Variants in DMD observed in about 807,000 individuals in gnomAD.
DMD encodes the protein dystrophin, also known as mutant dystrophin.
A neutral mutation model predicts 330.1 loss-of-function variants in DMD; 63 were observed. That is an observed-to-expected ratio of 0.19 (90% confidence interval 0.16 to 0.24). DMD has a LOEUF of 0.24. Among genes scored for constraint, DMD ranks in the 10% least tolerant of loss-of-function variants. DMD has a pLI of 1.00. For missense variants in DMD, 3,344 were observed against 2,684.1 expected, an observed-to-expected ratio of 1.25 and a Z score of -5.43; for synonymous variants, 1,223 against 959.8, an observed-to-expected ratio of 1.27 and a Z score of -5.07.
At chrX:31,405,083 C>CTT (rs2061352111) in intron 60 of DMD, among the ~76,000 whole-genome samples, 1 of 111,526 alleles carries the variant, frequency 9.0e-6, no homozygotes, top group East Asian at 2.8e-4. Context: ...CTTAGAAATC[C>CTT]GGAGAGTTCT....
At chrX:31,733,084 T>C (rs1220694752) in intron 51 of DMD, among the ~76,000 whole-genome samples, 1 of 111,037 alleles carries the variant, frequency 9.0e-6, no homozygotes, top group Non-Finnish European at 1.9e-5. Flanking sequence ...TGCTTACCCC[T>C]TGGAGATGAG....
intron 17 of DMD, among the ~76,000 whole-genome samples, chrX:32,538,635 C>A (rs1469382018): frequency 9.0e-6 from 1 of 111,275 alleles, no homozygotes; most frequent in East Asian, 2.8e-4. Context: ...AATCAGGGGT[C>A]AGACTGTAAA....
At chrX:33,260,728 T>C (rs896006753) in intron 1 of DMD, among the ~76,000 whole-genome samples, 4 of 111,726 alleles carry the variant, frequency 3.6e-5, no homozygotes, top group Non-Finnish European at 7.6e-5. Flanking sequence ...TCTTATTCAT[T>C]CTGTTTTCTT....
chrX:32,171,747 A>G (rs749178661), intron 44 of DMD, among the ~76,000 whole-genome samples: 71 of 111,877 alleles, frequency 6.3e-4, no homozygotes, highest in African/African-American at 2.1e-3. Context: ...TGAAATGTAC[A>G]TAGACCTTTA....
intron 2 of DMD, among the ~76,000 whole-genome samples, chrX:33,002,962 G>C (rs2093320692): frequency 9.3e-6 from 1 of 107,756 alleles, no homozygotes; most frequent in Non-Finnish European, 1.9e-5. Context: ...ACATGAAAAT[G>C]TACTTCCTTT....
chrX:33,099,847 C>T (rs1275772687), intron 1 of DMD, among the ~76,000 whole-genome samples: 1 of 110,439 alleles, frequency 9.1e-6, no homozygotes, highest in Non-Finnish European at 1.9e-5. Flanking sequence ...TTTTTACAGC[C>T]AAGAAAAATC....
At chrX:31,286,455 C>A (rs943715608) in intron 62 of DMD, among the ~76,000 whole-genome samples, 1 of 112,022 alleles carries the variant, frequency 8.9e-6, no homozygotes, top group Non-Finnish European at 1.9e-5. Flanking sequence ...AGGCATATGA[C>A]AATCTTTATT....
At chrX:33,130,148 T>C (rs745986336) in intron 1 of DMD, among the ~76,000 whole-genome samples, 6 of 111,876 alleles carry the variant, frequency 5.4e-5, no homozygotes, top group African/African-American at 1.3e-4. Flanking sequence ...ACCCTATATA[T>C]GAGTTTCTGT....
At chrX:32,067,334 C>T (rs192937685) in intron 44 of DMD, among the ~76,000 whole-genome samples, 176 of 110,743 alleles carry the variant, frequency 1.6e-3, no homozygotes, top group African/African-American at 5.4e-3. Flanking sequence ...TTAGTGACCA[C>T]GAATATTTAT....
Position 32,012,024 on chromosome X carries a change from C to T in DMD, c.6439-43510G>A, listed in dbSNP as rs936664676. On this transcript the variant is annotated intron_variant, in intron 44 of 78. Transcript: ENST00000357033. Reference sequence around the variant, plus strand: ...CCTCAAGTCTAAACAGTTGTCAAGCCCCCCCAGTCCTTTCAACTTTCATTA... The same window carrying T: ...CCTCAAGTCTAAACAGTTGTCAAGCTCCCCCAGTCCTTTCAACTTTCATTA... Among the ~76,000 whole-genome samples the T allele has an allele frequency of 4.5e-5, 5 of 111,808 alleles. No homozygotes were observed. The Admixed American group carries it at 4.8e-4, about 11-fold the overall frequency.
At chrX:32,224,888 C>T (rs1406535600) in intron 43 of DMD, among the ~76,000 whole-genome samples, 1 of 111,585 alleles carries the variant, frequency 9.0e-6, no homozygotes. Context: ...TGAAATTCTA[C>T]ACATTTTTTC....
chrX:32,679,901 AC>A (rs2062256188), intron 9 of DMD, among the ~76,000 whole-genome samples: 1 of 30,950 alleles, frequency 3.2e-5, no homozygotes, highest in African/African-American at 1.3e-4. Context: ...TAATATTTGT[AC>A]TTTTTTTTTT....
chrX:32,598,674 G>A (rs1254769650), intron 12 of DMD, among the ~76,000 whole-genome samples: 1 of 112,056 alleles, frequency 8.9e-6, no homozygotes, highest in Non-Finnish European at 1.9e-5. Context: ...GTCTTTTAAA[G>A]TCTATGTGAT....
intron 1 of DMD, among the ~76,000 whole-genome samples, chrX:33,166,804 T>C (rs1262723464): frequency 4.6e-5 from 5 of 109,855 alleles, no homozygotes; most frequent in African/African-American, 1.6e-4. Flanking sequence ...TGTGTATTCA[T>C]TGAGTGAACC....
At chrX:32,558,551 G>A (rs2050587610) in intron 16 of DMD, among the ~76,000 whole-genome samples, 1 of 111,275 alleles carries the variant, frequency 9.0e-6, no homozygotes, top group African/African-American at 3.3e-5. Context: ...CTTTGAATAG[G>A]GATAGGATGT....
intron 43 of DMD, among the ~76,000 whole-genome samples, chrX:32,281,273 T>C (rs2097419911): frequency 8.9e-6 from 1 of 112,128 alleles, no homozygotes; most frequent in African/African-American, 3.2e-5. Context: ...CAGGCTGTAC[T>C]GGGCAATTAT....
At chrX:32,792,953 A>G (rs758315668) in intron 7 of DMD, among the ~76,000 whole-genome samples, 2 of 112,370 alleles carry the variant, frequency 1.8e-5, no homozygotes, top group East Asian at 5.6e-4. Context: ...CTTAGACCAA[A>G]TAGTCCTAAC....
chrX:32,304,998 CCT>C (rs2097535349), intron 42 of DMD, among the ~76,000 whole-genome samples: 1 of 111,393 alleles, frequency 9.0e-6, no homozygotes, highest in African/African-American at 3.2e-5. Flanking sequence ...ATTGCAATGT[CCT>C]CTTATTCCAA....
chrX:31,187,896 C>T (rs1301694691), intron 67 of DMD, among the ~76,000 whole-genome samples: 1 of 111,224 alleles, frequency 9.0e-6, no homozygotes, highest in Non-Finnish European at 1.9e-5. Flanking sequence ...CCACTGAGGA[C>T]AGAACAAGAA....
Sources: gnomAD v4.1 joint callset for allele counts (sites outside exome capture counted in the v4.1 genomes callset) on GRCh38, gnomAD v4.1.1 for gene constraint, MANE v1.5 for transcripts, NCBI Gene and HGNC (gene_info 2026-07-23, HGNC 2026-07-21) for gene names.